Variants in RBFOX1 observed in about 807,000 individuals in gnomAD.
RBFOX1 encodes the protein RNA binding fox-1 homolog 1.
RBFOX1 carries 8 observed loss-of-function variants against 57.7 expected under a neutral mutation model. That is an observed-to-expected ratio of 0.14 (90% CI 0.08 to 0.25). RBFOX1 has a LOEUF of 0.25. Ranked by LOEUF, RBFOX1 falls within the 10% of genes least tolerant of loss-of-function variation. The pLI, the probability that RBFOX1 is intolerant of heterozygous loss-of-function variation, is 1.00. For missense variants in RBFOX1, 611 were observed against 548.5 expected, an observed-to-expected ratio of 1.11 and a Z score of -1.14; for synonymous variants, 326 against 222.4, an observed-to-expected ratio of 1.47 and a Z score of -4.15.
chr16:6,614,977 T>C (rs1402523788), intron 2 of RBFOX1, among the ~76,000 whole-genome samples: 1 of 152,182 alleles, frequency 6.6e-6, no homozygotes, highest in Non-Finnish European at 1.5e-5. Flanking sequence ...GCATCCCAAT[T>C]ACCAGTCGAA....
At chr16:5,652,981 C>A (rs1451786915) in intron 3 of RBFOX1, among the ~76,000 whole-genome samples, 1 of 152,236 alleles carries the variant, frequency 6.6e-6, no homozygotes, top group African/African-American at 2.4e-5. Context: ...ACTCAACCTG[C>A]TGAGCTGCTG....
At chr16:7,519,630 A>C in intron 5 of RBFOX1, 2 of 887,416 alleles carry the variant, frequency 2.3e-6, no homozygotes, top group Non-Finnish European at 2.7e-6. Flanking sequence ...CCTGTATGGA[A>C]CATGCATTTG....
intron 2 of RBFOX1, among the ~76,000 whole-genome samples, chr16:5,573,873 G>A (rs2151138711): frequency 6.6e-6 from 1 of 152,302 alleles, no homozygotes. Context: ...AGGATCACCT[G>A]AGCCTGGGAG....
chr16:6,930,896 C>G (rs995888434), intron 3 of RBFOX1, among the ~76,000 whole-genome samples: 2 of 152,072 alleles, frequency 1.3e-5, no homozygotes, highest in African/African-American at 2.4e-5. Context: ...CCTGCCCCCT[C>G]ACCATAGCCG....
chr16:7,128,742 AG>A (rs2069321930), intron 4 of RBFOX1, among the ~76,000 whole-genome samples: 1 of 151,994 alleles, frequency 6.6e-6, no homozygotes, highest in Non-Finnish European at 1.5e-5. Context: ...CATATCACAA[AG>A]GGCTAGAACT....
chr16:6,465,271 A>G (rs950749860), intron 2 of RBFOX1, among the ~76,000 whole-genome samples: 1 of 152,094 alleles, frequency 6.6e-6, no homozygotes, highest in East Asian at 1.9e-4. Context: ...TGTTGTTGTT[A>G]TTGTTGTTAA....
chr16:6,083,283 G>A (rs908341544), intron 1 of RBFOX1, among the ~76,000 whole-genome samples: 16 of 152,106 alleles, frequency 1.1e-4, no homozygotes, highest in African/African-American at 1.9e-4. Context: ...GATTACAGGC[G>A]TGAGCTATTG....
intron 14 of RBFOX1, among the ~76,000 whole-genome samples, chr16:7,700,138 G>C (rs1489066071): frequency 1.3e-5 from 2 of 152,106 alleles, no homozygotes; most frequent in South Asian, 4.2e-4. Flanking sequence ...TAAGACTTTG[G>C]ATCATCAATC....
At chr16:6,512,121 A>G (rs1351510392) in intron 2 of RBFOX1, among the ~76,000 whole-genome samples, 1 of 132,606 alleles carries the variant, frequency 7.5e-6, no homozygotes, top group Non-Finnish European at 1.5e-5. Context: ...AATAAAATGA[A>G]AAAAAAAAAG....
chr16:6,817,636 G>A (rs562658953), intron 3 of RBFOX1, among the ~76,000 whole-genome samples: 1 of 151,838 alleles, frequency 6.6e-6, no homozygotes, highest in South Asian at 2.1e-4. Flanking sequence ...AACCCAGGAG[G>A]AGGTTGCAGT....
At chr16:6,174,330 C>T (rs990900469) in intron 1 of RBFOX1, among the ~76,000 whole-genome samples, 1 of 152,172 alleles carries the variant, frequency 6.6e-6, no homozygotes, top group African/African-American at 2.4e-5. Flanking sequence ...CACGGTGGCT[C>T]ATGCCTGTCA....
In RBFOX1 at chr16:5,793,864, T is replaced by C. The variant is rs148003729; in HGVS notation, c.319-73439T>C. Among the ~76,000 whole-genome samples the C allele has an allele frequency of 2.8e-4, 43 of 152,350 alleles. No individual in the cohort carries two copies. The East Asian group carries it at 7.1e-3, about 25-fold the overall frequency. On this transcript the variant is annotated intron_variant, in intron 3 of 19. Transcript: ENST00000641259. ...CATACTCACAAATGTACTGGGAGAC[T>C]GGAATCCAGCACGTTCTCCCTGATC...
chr16:5,525,928 A>G (rs2044226987), intron 2 of RBFOX1, among the ~76,000 whole-genome samples: 1 of 152,110 alleles, frequency 6.6e-6, no homozygotes, highest in Non-Finnish European at 1.5e-5. Context: ...TCTTTACTTG[A>G]AGGCAAGCTT....
chr16:7,437,253 C>G (rs1474170714), intron 4 of RBFOX1, among the ~76,000 whole-genome samples: 1 of 130,268 alleles, frequency 7.7e-6, no homozygotes, highest in African/African-American at 2.6e-5. Flanking sequence ...TATCTTTGCC[C>G]CCCCCCCCTT....
In RBFOX1 at chr16:7,595,541, G is replaced by A. The variant is rs763792559; in HGVS notation, c.469-8G>A. ...CATGTTGTTTTCCCTTCTCCCTCCTGCATGCAGGGATTTGGTTTCGTAACT... is the reference window on the plus strand; with the variant it reads ...CATGTTGTTTTCCCTTCTCCCTCCTACATGCAGGGATTTGGTTTCGTAACT... On this transcript the variant is annotated splice_region_variant and splice_polypyrimidine_tract_variant and intron_variant, in intron 7 of 15. Coordinates refer to ENST00000550418, the MANE Select transcript of RBFOX1 (RefSeq NM_018723.4). 11 of 1,541,168 alleles carry A rather than the reference G, an allele frequency of 7.1e-6. No individual in the cohort carries two copies. The highest frequency in any genetic ancestry group is 9.7e-6 in the Non-Finnish European group (11 of 1,138,068).
chr16:6,640,375 G>T (rs1016369881), intron 2 of RBFOX1, among the ~76,000 whole-genome samples: 29 of 152,184 alleles, frequency 1.9e-4, no homozygotes, highest in African/African-American at 6.5e-4. Context: ...TGGGGAGGCC[G>T]AGGTGGGCGG....
At chr16:6,840,020 G>A (rs2093369962) in intron 3 of RBFOX1, among the ~76,000 whole-genome samples, 1 of 152,086 alleles carries the variant, frequency 6.6e-6, no homozygotes, top group South Asian at 2.1e-4. Context: ...TAGCAACTAT[G>A]GACCCTGGGA....
chr16:7,199,512 A>G (rs72636220), intron 4 of RBFOX1, among the ~76,000 whole-genome samples: 27,250 of 152,072 alleles, frequency 0.18, 2,651 homozygotes, highest in East Asian at 0.37. Context: ...AACACCTGTC[A>G]TTGCTGTGTA....
intron 2 of RBFOX1, among the ~76,000 whole-genome samples, chr16:6,492,445 G>A (rs1344934694): frequency 2.0e-5 from 3 of 152,112 alleles, no homozygotes; most frequent in African/African-American, 4.8e-5. Context: ...GCAGGTGCCT[G>A]TTAGTCCCAG....
Sources: gnomAD v4.1 joint callset for allele counts (sites outside exome capture counted in the v4.1 genomes callset) on GRCh38, gnomAD v4.1.1 for gene constraint, MANE v1.5 for transcripts, NCBI Gene and HGNC (gene_info 2026-07-23, HGNC 2026-07-21) for gene names.